AGPAT4: variants seen among roughly 807,000 people sequenced by gnomAD.
The protein encoded by AGPAT4 is 1-acyl-sn-glycerol-3-phosphate acyltransferase delta.
Under a neutral mutation model 48.0 loss-of-function variants are expected in AGPAT4, and 15 were observed. That is an observed-to-expected ratio of 0.31 (90% CI 0.21 to 0.48). The LOEUF is 0.48. AGPAT4 is among the 20% of genes least tolerant of loss of function. The probability of loss-of-function intolerance (pLI) is 0.99; values close to 1 mark genes in which losing one functional copy is unlikely to be tolerated. For synonymous variants in AGPAT4, 178 were observed against 198.7 expected (o/e 0.90, Z 0.88); for missense variants, 314 against 482.5 (o/e 0.65, Z 3.27).
chr6:161,149,929 T>C lies in AGPAT4; in HGVS notation c.665-640A>G, dbSNP rs1779540520. On this transcript the variant is annotated intron_variant, in intron 5 of 8. Transcript: ENST00000320285. This position sits in a 1 kb window ranked among gnomAD's most constrained non-coding sequence, Gnocchi z 6.5. ...ACTTTCTAATGTGCCCAGCCTATCA[T>C]TTCAGTCAAGAAACACCGAAATTTG... 6.6e-6 allele frequency among the ~76,000 whole-genome samples: 1 copy of C among 152,236 alleles called. No homozygotes were observed. Among genetic ancestry groups the C allele is most frequent in the Non-Finnish European group, 1.5e-5 (1 of 68,048 alleles).
In AGPAT4 at chr6:161,255,263, T is replaced by C. The variant is rs1316508713; in HGVS notation, c.-90+18675A>G. Among the ~76,000 whole-genome samples the C allele has an allele frequency of 6.6e-6, 1 of 152,174 alleles. No homozygotes were observed. The highest frequency in any genetic ancestry group is 2.4e-5 in the African/African-American group (1 of 41,434). On this transcript the variant is annotated intron_variant, in intron 1 of 8. Coordinates refer to ENST00000320285, the MANE Select transcript of AGPAT4 (RefSeq NM_020133.3). The surrounding 1 kb of genome is among the most constrained non-coding windows in gnomAD (Gnocchi z 4.7). ...TCCGAGACCCCTCTGCAAAATACCA[T>C]TGCTTCTTTCGCTTCAGAAAAGATT...
chr6:161,167,701 G>C (rs531860150), intron 2 of AGPAT4, among the ~76,000 whole-genome samples: 1 of 152,326 alleles, frequency 6.6e-6, no homozygotes, highest in Admixed American at 6.5e-5. Context: ...CTGGAAGCTG[G>C]AGGCTTGATG....
chr6:161,252,509 T>G (rs73019326), intron 1 of AGPAT4, among the ~76,000 whole-genome samples: 12,465 of 152,264 alleles, frequency 0.082, 678 homozygotes, highest in East Asian at 0.3. Flanking sequence ...TTCAGCAATT[T>G]TGCTTCTTCT....
intron 1 of AGPAT4, among the ~76,000 whole-genome samples, chr6:161,273,549 G>A (rs1247984912): frequency 2.0e-5 from 3 of 152,164 alleles, no homozygotes; most frequent in Admixed American, 1.3e-4. Flanking sequence ...AGAGCAATAT[G>A]TAATAGGAAC....
rs929200619 is a variant in AGPAT4 at position 161,225,361 on chromosome 6, C to A, written c.178+6675G>T. Among the ~76,000 whole-genome samples the A allele has an allele frequency of 6.6e-6, 1 of 152,178 alleles. No individual in the cohort carries two copies. The highest frequency in any genetic ancestry group is 1.5e-5 in the Non-Finnish European group (1 of 68,038). Reference sequence around the variant, plus strand: ...GGGCCATGGGCTTCAGGGATAAGAACCCCTTCCCCTCTCTTGTCCAAGTGT... The same window carrying A: ...GGGCCATGGGCTTCAGGGATAAGAAACCCTTCCCCTCTCTTGTCCAAGTGT... On this transcript the variant is annotated intron_variant, in intron 2 of 8. Transcript: ENST00000320285. The surrounding 1 kb of genome is among the most constrained non-coding windows in gnomAD (Gnocchi z 5.0).
rs2115007498 is a variant in AGPAT4, at chr6:161,198,349, G to C, written c.179-31932C>G. 6.6e-6 allele frequency among the ~76,000 whole-genome samples: 1 copy of C among 152,336 alleles called. No homozygotes were observed. ...CCTCCGGGGCATTTGGCAATGTCTG[G>C]AGACATTTTTCATTGTCACGGTTTG... On this transcript the variant is annotated intron_variant, in intron 2 of 8. Coordinates refer to ENST00000320285, the MANE Select transcript of AGPAT4 (RefSeq NM_020133.3). This position sits in a 1 kb window ranked among gnomAD's most constrained non-coding sequence, Gnocchi z 4.3.
chr6:161,139,448 G>A lies in AGPAT4; in HGVS notation c.1016C>T (p.Ala339Val), dbSNP rs150605395. 3.7e-6 allele frequency: 6 copies of A among 1,614,074 alleles called. No individual in the cohort carries two copies. The highest frequency in any genetic ancestry group is 3.3e-5 in the Admixed American group (2 of 60,014). Residue 339 changes from alanine to valine, a missense_variant, in exon 8 of 9, where the codon GCC becomes GTC. By Grantham distance (64) the Ala-to-Val change is moderately conservative. Coordinates refer to ENST00000320285, the MANE Select transcript of AGPAT4 (RefSeq NM_020133.3). The surrounding 1 kb of genome is among the most constrained non-coding windows in gnomAD (Gnocchi z 9.1). ...CACAAAGAAGACGAGGATGAAGCTG[G>A]CCAGCGTCAGGGAAGACCCGCTCCT... is the stretch of plus-strand genomic sequence containing the variant. The part of the protein sequence containing the change: ...MIRSGSSLTL[A>V]SFILVFFVAS...
At chr6:161,160,866 G>A (rs1288359749) in intron 3 of AGPAT4, 7 of 395,158 alleles carry the variant, frequency 1.8e-5, no homozygotes, top group Non-Finnish European at 3.6e-5. Context: ...GGCGTTACAG[G>A]GGTAGGTGGG....
chr6:161,233,723 C>T lies in AGPAT4; in HGVS notation c.-89-1421G>A, dbSNP rs77064729. ...ATGTGCTGAACATGTTTAAGGCAGG[C>T]GAGGCTAAACGATGATGTTTGGTAG... On this transcript the variant is annotated intron_variant, in intron 1 of 8. Coordinates refer to ENST00000320285, the MANE Select transcript of AGPAT4 (RefSeq NM_020133.3). The surrounding 1 kb of genome is among the most constrained non-coding windows in gnomAD (Gnocchi z 5.4). Among the ~76,000 whole-genome samples the T allele has an allele frequency of 7.4e-3, 1,130 of 152,254 alleles. 18 individuals are homozygous for T. The highest frequency in any genetic ancestry group is 0.036 in the East Asian group (186 of 5,182).
chr6:161,209,379 G>A (rs529257466), intron 2 of AGPAT4, among the ~76,000 whole-genome samples: 2 of 152,332 alleles, frequency 1.3e-5, no homozygotes, highest in South Asian at 4.2e-4. Context: ...TATGAGGAAA[G>A]CCTTGCCAAG....
intron 2 of AGPAT4, among the ~76,000 whole-genome samples, chr6:161,228,661 T>TAAAAAAAAAAAAAAAAAAAAAAAAA (rs375011382): frequency 3.6e-5 from 3 of 84,112 alleles, no homozygotes; most frequent in Admixed American, 1.3e-4. Context: ...GTCAGAGAGG[T>TAAAAAAAAAAAAAAAAAAAAAAAAA]AAAAAAAAAA....
intron 2 of AGPAT4, among the ~76,000 whole-genome samples, chr6:161,168,030 T>C (rs991177381): frequency 4.6e-5 from 7 of 152,124 alleles, no homozygotes; most frequent in African/African-American, 1.7e-4. Flanking sequence ...TCCCATTCAG[T>C]TGTCCCACCA....
rs887274304 is a variant in AGPAT4, at chr6:161,161,901, T to A, written c.348+4347A>T. On this transcript the variant is annotated intron_variant, in intron 3 of 8. Transcript: ENST00000320285. This position sits in a 1 kb window ranked among gnomAD's most constrained non-coding sequence, Gnocchi z 4.6. Reference sequence around the variant, plus strand: ...GCACAGGCACTCTGCCTAGGAGGGATAATGCCACTCTCCTCCTCTCACCTT... The same window carrying A: ...GCACAGGCACTCTGCCTAGGAGGGAAAATGCCACTCTCCTCCTCTCACCTT... 6 of 199,186 alleles carry A rather than the reference T, an allele frequency of 3.0e-5. No individual in the cohort carries two copies. Among genetic ancestry groups the A allele is most frequent in the Non-Finnish European group, 6.3e-5 (6 of 95,282 alleles). 12.3% of individuals were successfully genotyped at this position (199,186 alleles called of 1,614,324 possible).
rs1374951049 is a variant in AGPAT4, at chr6:161,215,789, A to T, written c.178+16247T>A. Among the ~76,000 whole-genome samples the T allele has an allele frequency of 6.6e-6, 1 of 152,102 alleles. No individual in the cohort carries two copies. Among genetic ancestry groups the T allele is most frequent in the East Asian group, 1.9e-4 (1 of 5,196 alleles). ...TCAAACTCTAAAAGTCCTACCAGCC[A>T]CCAACCCATTGTAATTTCTCCTTTT... On this transcript the variant is annotated intron_variant, in intron 2 of 8. Coordinates refer to ENST00000320285, the MANE Select transcript of AGPAT4 (RefSeq NM_020133.3). The surrounding 1 kb of genome is among the most constrained non-coding windows in gnomAD (Gnocchi z 4.5).
At position 161,218,763 on chromosome 6, in the gene AGPAT4, G is replaced by C. The variant is rs546014811; in HGVS notation, c.178+13273C>G. 2.0e-4 allele frequency among the ~76,000 whole-genome samples: 31 copies of C among 152,200 alleles called. No homozygotes were observed. The highest frequency in any genetic ancestry group is 6.5e-4 in the African/African-American group (27 of 41,542). The stretch of plus-strand genomic sequence containing the variant: ...CATATCATGTAACCATATACTCTGA[G>C]GTGGCAGAGGTGAAAAAACACTGTT... On this transcript the variant is annotated intron_variant, in intron 2 of 8. Transcript: ENST00000320285. This position sits in a 1 kb window ranked among gnomAD's most constrained non-coding sequence, Gnocchi z 4.7.
intron 2 of AGPAT4, among the ~76,000 whole-genome samples, chr6:161,170,346 A>T (rs1399373839): frequency 6.6e-6 from 1 of 152,066 alleles, no homozygotes; most frequent in Non-Finnish European, 1.5e-5. Flanking sequence ...ACCGAGAGAC[A>T]CTTCCTCTTT....
chr6:161,164,763 G>A lies in AGPAT4; in HGVS notation c.348+1485C>T, dbSNP rs996353028. Among the ~76,000 whole-genome samples, 1 of 152,194 alleles carries A rather than the reference G, an allele frequency of 6.6e-6. No homozygotes were observed. The highest frequency in any genetic ancestry group is 2.4e-5 in the African/African-American group (1 of 41,448). On this transcript the variant is annotated intron_variant, in intron 3 of 8. Transcript: ENST00000320285. This position sits in a 1 kb window ranked among gnomAD's most constrained non-coding sequence, Gnocchi z 7.4. ...GTAATGCCACCAAGGGGCAAGCAGG[G>A]ATTGGAAGGCACCCCCAAGTTCAAT...
Position 161,201,029 on chromosome 6 carries a change from T to G in AGPAT4, c.178+31007A>C, listed in dbSNP as rs1486221565. 6.6e-6 allele frequency among the ~76,000 whole-genome samples: 1 copy of G among 152,190 alleles called. No individual in the cohort carries two copies. Among genetic ancestry groups the G allele is most frequent in the African/African-American group, 2.4e-5 (1 of 41,462 alleles). On this transcript the variant is annotated intron_variant, in intron 2 of 8. Transcript: ENST00000320285. This position sits in a 1 kb window ranked among gnomAD's most constrained non-coding sequence, Gnocchi z 6.0. ...GACAGCTTCCTGCAAATGCATCATC[T>G]TGCTCTCTAGCCTGCCACCACGATT... is the stretch of plus-strand genomic sequence containing the variant.
Position 161,231,609 on chromosome 6 carries a change from A to G in AGPAT4, c.178+427T>C, listed in dbSNP as rs1373652356. Among the ~76,000 whole-genome samples the G allele has an allele frequency of 6.6e-6, 1 of 152,212 alleles. No homozygotes were observed. Among genetic ancestry groups the G allele is most frequent in the East Asian group, 1.9e-4 (1 of 5,208 alleles). ...AAAAAGGCAAGGAAGAAAACAATAT[A>G]GTATACTGCCACTTAGTTTTTTAAA... is the stretch of plus-strand genomic sequence containing the variant. On this transcript the variant is annotated intron_variant, in intron 2 of 8. Transcript: ENST00000320285. The surrounding 1 kb of genome is among the most constrained non-coding windows in gnomAD (Gnocchi z 5.3).
Sources: gnomAD v4.1 joint callset for allele counts (sites outside exome capture counted in the v4.1 genomes callset) on GRCh38, gnomAD v4.1.1 for gene constraint, Gnocchi (gnomAD v3.1) non-coding constraint, MANE v1.5 for transcripts, NCBI Gene and HGNC (gene_info 2026-07-23, HGNC 2026-07-21) for gene names.